Variants in RHBDD1 observed in about 807,000 individuals in gnomAD.
RHBDD1 encodes the protein rhomboid domain containing 1, also known as rhomboid-related protein 4.
A neutral mutation model predicts 36.3 loss-of-function variants in RHBDD1; 38 were observed. The ratio of observed to expected loss-of-function variants is 1.05; its 90% CI spans 0.81 to 1.37. The LOEUF is 1.37. Ranked by LOEUF, RHBDD1 falls within the 40% of genes most tolerant of loss-of-function variation. RHBDD1 has a pLI of 0.00. For synonymous variants in RHBDD1, 151 were observed against 136.5 expected (o/e 1.11, Z -0.74); for missense variants, 393 against 377.6 (o/e 1.04, Z -0.34).
intron 8 of RHBDD1, among the ~76,000 whole-genome samples, chr2:226,949,282 T>A (rs1951247611): frequency 6.6e-6 from 1 of 152,146 alleles, no homozygotes; most frequent in Non-Finnish European, 1.5e-5. Context: ...CTAAATTTCA[T>A]ATGGAACCAA....
chr2:226,944,481 G>T (rs1265394632), intron 8 of RHBDD1, among the ~76,000 whole-genome samples: 1 of 152,070 alleles, frequency 6.6e-6, no homozygotes, highest in Non-Finnish European at 1.5e-5. Context: ...TAATGAGACC[G>T]CAGGAGCACT....
At chr2:226,913,022 T>G (rs1274154054) in intron 7 of RHBDD1, among the ~76,000 whole-genome samples, 1 of 152,198 alleles carries the variant, frequency 6.6e-6, no homozygotes, top group Non-Finnish European at 1.5e-5. Context: ...TCCTGCATAT[T>G]AGGAAAATAT....
chr2:226,906,910 A>C, intron 6 of RHBDD1, 29 bp downstream of exon 6: 1 of 1,608,198 alleles, frequency 6.2e-7, no homozygotes, highest in Non-Finnish European at 8.5e-7. Flanking sequence ...TTGGCATGAC[A>C]ACAGCTTGGA....
intron 8 of RHBDD1, among the ~76,000 whole-genome samples, chr2:226,952,153 T>A (rs1254004459): frequency 6.6e-6 from 1 of 152,126 alleles, no homozygotes; most frequent in Non-Finnish European, 1.5e-5. Flanking sequence ...TACTAACAGG[T>A]CTTTATCTCC....
At chr2:226,890,794 C>T (rs1463149974) in intron 5 of RHBDD1, among the ~76,000 whole-genome samples, 1 of 151,974 alleles carries the variant, frequency 6.6e-6, no homozygotes. Context: ...ATATATATTC[C>T]TATTATGTAC....
At chr2:226,803,832 C>G in the RHBDD1 span, among the ~76,000 whole-genome samples, 1 of 152,140 alleles carries the variant, frequency 6.6e-6, no homozygotes, top group Non-Finnish European at 1.5e-5. Context: ...AAAAGTCACA[C>G]TTGGCTTGTA....
intron 8 of RHBDD1, chr2:226,988,649 G>T (rs1274139472): frequency 1.0e-6 from 1 of 985,202 alleles, no homozygotes. Context: ...CTTCTGAGAG[G>T]AAGGTAGGAT....
chr2:226,881,701 C>T (rs748037077), intron 5 of RHBDD1, among the ~76,000 whole-genome samples: 2 of 152,182 alleles, frequency 1.3e-5, no homozygotes, highest in Non-Finnish European at 2.9e-5. Context: ...TCATCAGCAC[C>T]ATATGAAAGT....
intron 8 of RHBDD1, chr2:226,988,518 C>A: frequency 6.6e-7 from 1 of 1,512,962 alleles, no homozygotes; most frequent in Non-Finnish European, 8.8e-7. Flanking sequence ...AGGTGGATAG[C>A]AGCTGCCCGC....
intron 8 of RHBDD1, among the ~76,000 whole-genome samples, chr2:226,924,463 T>C (rs1949537849): frequency 6.6e-6 from 1 of 152,190 alleles, no homozygotes; most frequent in Non-Finnish European, 1.5e-5. Context: ...AGCTGCGAGT[T>C]GCAGTGCCTG....
intron 8 of RHBDD1, chr2:226,988,410 GC>G: frequency 6.4e-7 from 1 of 1,550,488 alleles, no homozygotes; most frequent in Non-Finnish European, 8.7e-7. Flanking sequence ...GGACCCAGAT[GC>G]CTGGGAAGCC....
chr2:226,876,091 C>T (rs1163722939), intron 5 of RHBDD1, among the ~76,000 whole-genome samples: 2 of 152,116 alleles, frequency 1.3e-5, no homozygotes, highest in Non-Finnish European at 1.5e-5. Context: ...GAGGCCAAAC[C>T]ATAGAGAAGA....
intron 5 of RHBDD1, chr2:226,867,779 C>T (rs1018292972): frequency 9.3e-6 from 5 of 538,054 alleles, no homozygotes; most frequent in Middle Eastern, 9.4e-4. Flanking sequence ...AGTGCAGTGG[C>T]GTGATCTCAG....
intron 8 of RHBDD1, among the ~76,000 whole-genome samples, chr2:226,918,390 G>A (rs979368305): frequency 1.3e-5 from 2 of 151,272 alleles, no homozygotes; most frequent in African/African-American, 2.4e-5. Context: ...CTCTCATCAC[G>A]CTGTTGTGCT....
chr2:226,801,250 G>A, the RHBDD1 span, among the ~76,000 whole-genome samples: 4 of 152,240 alleles, frequency 2.6e-5, no homozygotes, highest in South Asian at 2.1e-4. Flanking sequence ...GCGGCTGAGG[G>A]GCGGAGCGAG....
intron 8 of RHBDD1, among the ~76,000 whole-genome samples, chr2:226,948,564 T>TAAAAAAAA (rs56325989): frequency 7.7e-4 from 18 of 23,430 alleles, no homozygotes; most frequent in Admixed American, 1.0e-3. Context: ...ACTTAAAGTA[T>TAAAAAAAA]AAAAAAAAAA....
At position 226,966,357 on chromosome 2, in the gene RHBDD1, C is replaced by T. The variant is rs575284594; in HGVS notation, c.857-29074C>T. ...TGGTACCTAACTATATAGAAGGGAT[C>T]CTCCTAGGGGCCTCCTCAGTAGCCC... On this transcript the variant is annotated intron_variant, in intron 8 of 8. Transcript: ENST00000392062. Among the ~76,000 whole-genome samples the T allele has an allele frequency of 1.3e-4, 20 of 152,246 alleles. No homozygotes were observed. In the South Asian group the frequency reaches 3.5e-3, roughly 27 times the overall value.
intron 8 of RHBDD1, among the ~76,000 whole-genome samples, chr2:226,950,407 AT>A (rs1244577728): frequency 6.6e-6 from 1 of 152,200 alleles, no homozygotes; most frequent in African/African-American, 2.4e-5. Context: ...AATAGTATTC[AT>A]TGTGTATATG....
intron 7 of RHBDD1, among the ~76,000 whole-genome samples, chr2:226,911,541 CTTTTTTTTT>C (rs869309466): frequency 4.2e-5 from 3 of 71,436 alleles, no homozygotes; most frequent in African/African-American, 1.3e-4. Context: ...TGTGAAAGTT[CTTTTTTTTT>C]TTTTTTTTTT....
Sources: allele counts gnomAD v4.1 joint callset (sites outside exome capture counted in the v4.1 genomes callset), GRCh38; gene constraint gnomAD v4.1.1; transcripts MANE v1.5; gene names NCBI Gene and HGNC (gene_info 2026-07-23, HGNC 2026-07-21).